MRPL1: variants seen among roughly 807,000 people sequenced by gnomAD.
MRPL1 encodes mitochondrial ribosomal protein L1.
In MRPL1, 28 loss-of-function variants were observed where a neutral mutation model predicts 38.0. The ratio of observed to expected loss-of-function variants is 0.74; its 90% confidence interval spans 0.55 to 1.01. MRPL1 has a LOEUF of 1.01. MRPL1 is among the 50% of genes least tolerant of loss of function. The pLI, the probability that MRPL1 is intolerant of heterozygous loss-of-function variation, is 0.00. For missense variants in MRPL1, 358 were observed against 389.8 expected, an observed-to-expected ratio of 0.92 and a Z score of 0.69; for synonymous variants, 123 against 126.7, an observed-to-expected ratio of 0.97 and a Z score of 0.20.
intron 7 of MRPL1, among the ~76,000 whole-genome samples, chr4:77,912,408 A>C (rs1020191294): frequency 2.0e-5 from 3 of 152,206 alleles, no homozygotes; most frequent in African/African-American, 7.2e-5. Context: ...TCTGTATAAC[A>C]GCAAGGAACA....
chr4:77,888,629 G>C (rs1735737487), intron 5 of MRPL1, among the ~76,000 whole-genome samples: 1 of 152,078 alleles, frequency 6.6e-6, no homozygotes, highest in African/African-American at 2.4e-5. Flanking sequence ...GAGGCATGGA[G>C]TTATTTCTGA....
chr4:77,937,914 A>G (rs1388191956), intron 7 of MRPL1, among the ~76,000 whole-genome samples: 1 of 152,172 alleles, frequency 6.6e-6, no homozygotes, highest in African/African-American at 2.4e-5. Flanking sequence ...ATAGTAGGAA[A>G]CCCTAAGTCT....
chr4:77,914,307 G>C (rs1047033306), intron 7 of MRPL1, among the ~76,000 whole-genome samples: 2 of 152,062 alleles, frequency 1.3e-5, no homozygotes, highest in African/African-American at 2.4e-5. Context: ...TGCATAGGAG[G>C]GGTGGGAGGA....
At chr4:77,932,509 C>T (rs1171151166) in intron 7 of MRPL1, among the ~76,000 whole-genome samples, 1 of 152,080 alleles carries the variant, frequency 6.6e-6, no homozygotes, top group East Asian at 1.9e-4. Context: ...CCTGAGATTG[C>T]CACAAAAGCA....
chr4:77,944,539 T>C (rs892722645), intron 7 of MRPL1, among the ~76,000 whole-genome samples: 2 of 152,178 alleles, frequency 1.3e-5, no homozygotes, highest in African/African-American at 4.8e-5. Context: ...TATGTTGTGT[T>C]TTAGTGTCTA....
At chr4:77,894,860 A>G (rs934747351) in intron 6 of MRPL1, among the ~76,000 whole-genome samples, 3 of 152,182 alleles carry the variant, frequency 2.0e-5, no homozygotes, top group Admixed American at 6.5e-5. Flanking sequence ...ACATTTAAAC[A>G]TAAAGGAGGT....
chr4:77,929,061 G>T (rs1303690608), intron 7 of MRPL1, among the ~76,000 whole-genome samples: 1 of 152,224 alleles, frequency 6.6e-6, no homozygotes, highest in East Asian at 1.9e-4. Flanking sequence ...TAAAAAGGGA[G>T]TAAACTGATC....
intron 6 of MRPL1, among the ~76,000 whole-genome samples, chr4:77,896,269 A>T (rs2110241613): frequency 6.6e-6 from 1 of 151,816 alleles, no homozygotes; most frequent in African/African-American, 2.4e-5. Flanking sequence ...TTCCTAATAA[A>T]ATGTTTATTA....
intron 6 of MRPL1, among the ~76,000 whole-genome samples, chr4:77,897,428 A>G (rs767143403): frequency 1.2e-4 from 19 of 152,234 alleles, no homozygotes; most frequent in Non-Finnish European, 2.1e-4. Flanking sequence ...AACCTGTGAT[A>G]GGTACTGTGG....
chr4:77,901,094 A>G (rs1736025292), intron 6 of MRPL1, among the ~76,000 whole-genome samples: 1 of 152,180 alleles, frequency 6.6e-6, no homozygotes, highest in South Asian at 2.1e-4. Flanking sequence ...AGTAAAGCAG[A>G]TTTGGGTATG....
rs573704337 is a variant in MRPL1 at position 77,885,529 on chromosome 4, G to C, written c.486+190G>C. Among the ~76,000 whole-genome samples the C allele has an allele frequency of 2.6e-5, 4 of 152,240 alleles. No homozygotes were observed. In the East Asian group the frequency reaches 7.7e-4, roughly 29 times the overall value. On this transcript the variant is annotated intron_variant, in intron 4 of 8. Coordinates refer to ENST00000315567, the MANE Select transcript of MRPL1 (RefSeq NM_020236.4). ...CTACAGGTGTGCACCACCACGCCCA[G>C]CTAATTTTTGTATTTTTAGTAGAGA...
In MRPL1 at chr4:77,894,164, A is replaced by C. The variant is rs768454163; in HGVS notation, c.584A>C (p.Asp195Ala). 6.2e-7 allele frequency: 1 copy of C among 1,602,734 alleles called. No homozygotes were observed. Among genetic ancestry groups the C allele is most frequent in the South Asian group, 1.1e-5 (1 of 88,546 alleles). Residue 195 changes from aspartate to alanine, a missense_variant, in exon 6 of 9, where the codon GAC (aspartate) becomes GCC (alanine). Asp to Ala is a moderately radical substitution (Grantham distance 126). Coordinates refer to ENST00000315567, the MANE Select transcript of MRPL1 (RefSeq NM_020236.4). ...QKIWDDEIVA[D>A]FYVAVPEIMP... ...ATTTGGGATGATGAAATTGTTGCAG[A>C]CTTTTACGTAGCTGTTCCAGAAATA...
chr4:77,929,536 T>C (rs1437697466), intron 7 of MRPL1, among the ~76,000 whole-genome samples: 2 of 152,182 alleles, frequency 1.3e-5, no homozygotes, highest in Non-Finnish European at 2.9e-5. Flanking sequence ...TTATCATAAA[T>C]AATGATAAAA....
chr4:77,939,105 A>G (rs1257416964), intron 7 of MRPL1, among the ~76,000 whole-genome samples: 1 of 152,070 alleles, frequency 6.6e-6, no homozygotes, highest in African/African-American at 2.4e-5. Flanking sequence ...AGTCCACTAT[A>G]TCATTCTTAT....
At chr4:77,866,749 CTT>C (rs199562168) in intron 1 of MRPL1, among the ~76,000 whole-genome samples, 8 of 144,712 alleles carry the variant, frequency 5.5e-5, no homozygotes, top group Admixed American at 6.9e-5. Flanking sequence ...TATCACCCCC[CTT>C]TTTTTTTTTT....
At chr4:77,902,894 CT>C (rs1736067397) in intron 6 of MRPL1, among the ~76,000 whole-genome samples, 1 of 152,156 alleles carries the variant, frequency 6.6e-6, no homozygotes, top group East Asian at 1.9e-4. Flanking sequence ...CCAGGCCCAC[CT>C]GATTCCCACT....
chr4:77,950,036 A>T (rs150515478), intron 8 of MRPL1, among the ~76,000 whole-genome samples, 158 bp downstream of exon 8: 4 of 152,350 alleles, frequency 2.6e-5, no homozygotes, highest in African/African-American at 9.6e-5. Flanking sequence ...ATTTCCAGGG[A>T]TTAAATAAAT....
chr4:77,918,342 G>C (rs187383988), intron 7 of MRPL1, among the ~76,000 whole-genome samples: 1 of 152,246 alleles, frequency 6.6e-6, no homozygotes, highest in Admixed American at 6.5e-5. Context: ...TTGGTTTTCA[G>C]CTCAGGGCTT....
intron 8 of MRPL1, among the ~76,000 whole-genome samples, chr4:77,951,724 C>T (rs1221889806): frequency 6.6e-6 from 1 of 152,154 alleles, no homozygotes; most frequent in Non-Finnish European, 1.5e-5. Context: ...CATGGATTCT[C>T]TGGGTACTTC....
Sources: gnomAD v4.1 joint callset for allele counts (sites outside exome capture counted in the v4.1 genomes callset) on GRCh38, gnomAD v4.1.1 for gene constraint, MANE v1.5 for transcripts, NCBI Gene and HGNC (gene_info 2026-07-23, HGNC 2026-07-21) for gene names.